The following DDAH1 variants were observed in gnomAD, a reference collection of about 807,000 sequenced individuals.
The protein encoded by DDAH1 is dimethylarginine dimethylaminohydrolase 1.
A neutral mutation model predicts 28.8 loss-of-function variants in DDAH1; 19 were observed. That is an observed-to-expected ratio of 0.66 (90% CI 0.46 to 0.97). The LOEUF is 0.97. Ranked by LOEUF, DDAH1 falls within the 50% of genes least tolerant of loss-of-function variation. The probability of loss-of-function intolerance (pLI) is 0.00; values close to 1 mark genes in which losing one functional copy is unlikely to be tolerated. For synonymous variants in DDAH1, 153 were observed against 154.4 expected (o/e 0.99, Z 0.07); for missense variants, 326 against 375.9 (o/e 0.87, Z 1.10).
intron 1 of DDAH1, among the ~76,000 whole-genome samples, chr1:85,381,713 G>A (rs1333794135): frequency 2.1e-5 from 3 of 140,300 alleles, no homozygotes; most frequent in Admixed American, 7.3e-5. Flanking sequence ...GTGATTTGCA[G>A]ATACTGTTTT....
At chr1:85,339,041 C>T (rs1208566411) in intron 4 of DDAH1, among the ~76,000 whole-genome samples, 2 of 138,852 alleles carry the variant, frequency 1.4e-5, no homozygotes, top group Admixed American at 7.0e-5. Context: ...AGCAAGACTC[C>T]GTCTCAAAAA....
intron 1 of DDAH1, among the ~76,000 whole-genome samples, chr1:85,396,583 T>C (rs1651824814): frequency 6.6e-6 from 1 of 152,130 alleles, no homozygotes; most frequent in South Asian, 2.1e-4. Context: ...ACATGAGATT[T>C]GGGGGACAAA....
intron 1 of DDAH1, among the ~76,000 whole-genome samples, chr1:85,384,063 A>C (rs1281858544): frequency 6.6e-6 from 1 of 152,170 alleles, no homozygotes; most frequent in African/African-American, 2.4e-5. Context: ...GGTATTAAGT[A>C]GTGATTTCCC....
upstream of DDAH1, chr1:85,467,528 G>T (rs571462800): frequency 6.6e-6 from 1 of 151,940 alleles, no homozygotes; most frequent in Non-Finnish European, 1.5e-5. Flanking sequence ...CTGTTATCTC[G>T]TGCATTACTT....
chr1:85,537,955 T>G (rs1658346049), intron 1 of DDAH1, among the ~76,000 whole-genome samples: 2 of 152,130 alleles, frequency 1.3e-5, no homozygotes, highest in South Asian at 4.1e-4. Context: ...CCAATTCTGC[T>G]TTTACACTTA....
chr1:85,450,593 T>C (rs562610835), intron 1 of DDAH1, among the ~76,000 whole-genome samples: 6 of 152,314 alleles, frequency 3.9e-5, no homozygotes, highest in Middle Eastern at 3.4e-3. Context: ...CATCATAACA[T>C]TGCCACTGTA....
chr1:85,347,870 A>G (rs1053189870), intron 4 of DDAH1, among the ~76,000 whole-genome samples: 1 of 152,204 alleles, frequency 6.6e-6, no homozygotes, highest in Non-Finnish European at 1.5e-5. Context: ...TGCAAACCTG[A>G]GTTTCACCAA....
chr1:85,511,523 GAC>G (rs905385525), intron 1 of DDAH1, among the ~76,000 whole-genome samples: 9 of 152,136 alleles, frequency 5.9e-5, no homozygotes, highest in African/African-American at 2.2e-4. Context: ...AAGGGATAGA[GAC>G]ACAAAAAACC....
chr1:85,356,755 A>T (rs1649508494), intron 2 of DDAH1, among the ~76,000 whole-genome samples: 1 of 152,250 alleles, frequency 6.6e-6, no homozygotes, highest in African/African-American at 2.4e-5. Context: ...ATCAAAGGCA[A>T]GCCTAAATGC....
intron 1 of DDAH1, among the ~76,000 whole-genome samples, chr1:85,437,633 A>G (rs1654001244): frequency 6.6e-6 from 1 of 152,234 alleles, no homozygotes; most frequent in African/African-American, 2.4e-5. Context: ...ACTTTATGTT[A>G]TTGGTAAGGC....
intron 1 of DDAH1, among the ~76,000 whole-genome samples, chr1:85,413,054 T>C (rs780532105): frequency 7.9e-5 from 12 of 152,200 alleles, no homozygotes; most frequent in Non-Finnish European, 1.5e-4. Context: ...TCTAGAAATA[T>C]ATAGCCAGAG....
intron 1 of DDAH1, among the ~76,000 whole-genome samples, chr1:85,463,596 G>A (rs1181307139): frequency 2.0e-5 from 3 of 152,310 alleles, no homozygotes; most frequent in Middle Eastern, 3.4e-3. Context: ...TTATCTCGAT[G>A]AGAAATTAGT....
intron 1 of DDAH1, among the ~76,000 whole-genome samples, chr1:85,400,370 T>C (rs1310636141): frequency 6.6e-6 from 1 of 151,630 alleles, no homozygotes; most frequent in Non-Finnish European, 1.5e-5. Context: ...TTTGTTGTTG[T>C]TTTTTGTATT....
chr1:85,557,859 G>A (rs1035393082), intron 1 of DDAH1, among the ~76,000 whole-genome samples: 1 of 152,036 alleles, frequency 6.6e-6, no homozygotes. Context: ...TCACCTGCAA[G>A]CCAAGAAGAG....
intron 1 of DDAH1, among the ~76,000 whole-genome samples, chr1:85,455,210 A>G (rs186398158): frequency 3.9e-5 from 6 of 152,364 alleles, no homozygotes; most frequent in African/African-American, 1.4e-4. Flanking sequence ...TGTAGTAATA[A>G]TAATCTTTCT....
intron 1 of DDAH1, among the ~76,000 whole-genome samples, chr1:85,577,434 G>C (rs1349988405): frequency 1.3e-5 from 2 of 152,206 alleles, no homozygotes; most frequent in Admixed American, 6.5e-5. Flanking sequence ...TGGCTTTGAA[G>C]AGTGGAGTTG....
chr1:85,351,579 C>A lies in DDAH1; in HGVS notation c.404G>T (p.Gly135Val). 7.4e-6 allele frequency: 12 copies of A among 1,613,428 alleles called. No homozygotes were observed. The highest frequency in any genetic ancestry group is 1.0e-5 in the Non-Finnish European group (12 of 1,179,438). The part of the protein sequence containing the change: ...TLDGGDVLFT[G>V]REFFVGLSKR... ...GGAAAGGCCCACAAAAAATTCTCTG[C>A]CTGTAATAGATGTCATGGAACATAG... is the stretch of plus-strand genomic sequence containing the variant. Residue 135 changes from glycine (G) to valine (V), a missense_variant and splice_region_variant, in exon 3 of 6, where the codon GGC becomes GTC. Physicochemically the swap from Gly to Val is moderately radical, Grantham distance 109 (BLOSUM62 -3). Transcript: ENST00000284031.
intron 1 of DDAH1, among the ~76,000 whole-genome samples, chr1:85,508,012 TG>T (rs1428874372): frequency 6.6e-6 from 1 of 152,224 alleles, no homozygotes; most frequent in Non-Finnish European, 1.5e-5. Flanking sequence ...GAATTTCATC[TG>T]TACCCCATCA....
rs886528721 is a variant in DDAH1 at position 85,351,544 on chromosome 1, T to C, written c.439A>G (p.Asn147Asp). ...GCCAAGATTTCAGCACCTCGTTGATTTGTCCTTTTGGAAAGGCCCACAAAA... is the reference window on the plus strand; with the variant it reads ...GCCAAGATTTCAGCACCTCGTTGATCTGTCCTTTTGGAAAGGCCCACAAAA... ...EFFVGLSKRTNQRGAEILADT... is the reference protein window; with the variant it reads ...EFFVGLSKRTDQRGAEILADT... The change falls in exon 3 of 6, where the codon AAT becomes GAT. Residue 147 changes from asparagine (N) to aspartate (D), a missense_variant. Asn to Asp is a conservative substitution (Grantham distance 23). Coordinates refer to ENST00000284031, the MANE Select transcript of DDAH1 (RefSeq NM_012137.4). 6.2e-7 allele frequency: 1 copy of C among 1,614,144 alleles called. No homozygotes were observed.
Sources: gnomAD v4.1 joint callset for allele counts (sites outside exome capture counted in the v4.1 genomes callset) on GRCh38, gnomAD v4.1.1 for gene constraint, MANE v1.5 for transcripts, NCBI Gene and HGNC (gene_info 2026-07-23, HGNC 2026-07-21) for gene names.